The following AGBL4 variants were observed in gnomAD, a reference collection of about 807,000 sequenced individuals.
The protein encoded by AGBL4 is cytosolic carboxypeptidase 6.
Under a neutral mutation model 66.4 loss-of-function variants are expected in AGBL4, and 58 were observed. That is an observed-to-expected ratio of 0.87 (90% CI 0.71 to 1.09). The LOEUF (loss-of-function observed/expected upper bound fraction) is 1.09. Ranked by LOEUF, AGBL4 falls within the 50% of genes least tolerant of loss-of-function variation. AGBL4 has a pLI of 0.00. For synonymous variants in AGBL4, 234 were observed against 222.9 expected (o/e 1.05, Z -0.44); for missense variants, 579 against 631.0 (o/e 0.92, Z 0.88).
intron 3 of AGBL4, among the ~76,000 whole-genome samples, chr1:49,569,525 A>G (rs1644284470): frequency 6.6e-6 from 1 of 152,128 alleles, no homozygotes; most frequent in Middle Eastern, 3.2e-3. Flanking sequence ...TAAAAAATTA[A>G]TTTTAAAAAA....
At chr1:48,959,402 C>T (rs1657767635) in intron 5 of AGBL4, among the ~76,000 whole-genome samples, 1 of 152,100 alleles carries the variant, frequency 6.6e-6, no homozygotes, top group Non-Finnish European at 1.5e-5. Flanking sequence ...ATTTGAGAAC[C>T]TACTATGTGC....
At chr1:49,874,056 G>C (rs569276615) in intron 1 of AGBL4, among the ~76,000 whole-genome samples, 1 of 152,022 alleles carries the variant, frequency 6.6e-6, no homozygotes, top group East Asian at 1.9e-4. Context: ...AGAACAGAGA[G>C]TCCAGAAATA....
intron 6 of AGBL4, among the ~76,000 whole-genome samples, chr1:48,792,732 C>T (rs920261729): frequency 5.3e-5 from 8 of 152,102 alleles, no homozygotes; most frequent in African/African-American, 1.7e-4. Flanking sequence ...ACCACTCAGG[C>T]TAGAGAGCCT....
intron 3 of AGBL4, among the ~76,000 whole-genome samples, chr1:49,466,916 A>G (rs1257533521): frequency 6.6e-6 from 1 of 151,842 alleles, no homozygotes; most frequent in Non-Finnish European, 1.5e-5. Context: ...AGAGAAGGAA[A>G]TTTTACTCAG....
chr1:49,071,893 GTC>G (rs1644611573), intron 4 of AGBL4, among the ~76,000 whole-genome samples: 1 of 150,034 alleles, frequency 6.7e-6, no homozygotes, highest in Non-Finnish European at 1.5e-5. Context: ...GTCTTTGTAT[GTC>G]TCTAAGAATT....
intron 3 of AGBL4, among the ~76,000 whole-genome samples, chr1:49,250,361 G>A (rs1266187195): frequency 6.6e-6 from 1 of 151,940 alleles, no homozygotes; most frequent in African/African-American, 2.4e-5. Context: ...GCAAGGAACT[G>A]AGAGTGGATG....
rs145103689 is a variant in AGBL4, at chr1:49,217,559, A to G, written c.377+28211T>C. On this transcript the variant is annotated intron_variant, in intron 4 of 13. Transcript: ENST00000371839. ...CTTCTTATAGCACTGAGCACATTAT[A>G]TGATATTCACTTGTTTACATGTATC... Among the ~76,000 whole-genome samples, 61 of 152,254 alleles carry G rather than the reference A, an allele frequency of 4.0e-4. 1 individual carries two copies. The highest frequency in any genetic ancestry group is 1.4e-3 in the African/African-American group (58 of 41,554).
intron 3 of AGBL4, among the ~76,000 whole-genome samples, chr1:49,355,079 C>T (rs576410633): frequency 2.0e-5 from 3 of 152,216 alleles, no homozygotes; most frequent in Non-Finnish European, 2.9e-5. Context: ...CATGCAGACA[C>T]GGGGAGAAAA....
chr1:49,059,029 G>A (rs1296374719), intron 4 of AGBL4, among the ~76,000 whole-genome samples: 1 of 152,228 alleles, frequency 6.6e-6, no homozygotes, highest in Non-Finnish European at 1.5e-5. Context: ...ATTTTCTGGG[G>A]AGAAATTCAA....
rs147233240 is a variant in AGBL4 at position 49,057,452 on chromosome 1, A to G, written c.378-11652T>C. On this transcript the variant is annotated intron_variant, in intron 4 of 13. Transcript: ENST00000371839. ...GAAAAAGAAAAAAAAGCTTAATTGGATCATGTCACTTCCTAGATTAAAATT... is the reference window on the plus strand; with the variant it reads ...GAAAAAGAAAAAAAAGCTTAATTGGGTCATGTCACTTCCTAGATTAAAATT... Among the ~76,000 whole-genome samples, 238 of 152,246 alleles carry G rather than the reference A, an allele frequency of 1.6e-3. 4 individuals carry two copies. The highest frequency in any genetic ancestry group is 5.6e-3 in the African/African-American group (231 of 41,528).
chr1:49,122,810 G>C (rs925551793), intron 4 of AGBL4, among the ~76,000 whole-genome samples: 4 of 152,032 alleles, frequency 2.6e-5, no homozygotes, highest in Non-Finnish European at 5.9e-5. Context: ...GCAATGCCTG[G>C]CACCCTGGAA....
rs58650623 is a variant in AGBL4 at position 48,837,711 on chromosome 1, C to CTATATATATATATATATATA, written c.634+29460_634+29479dup. Among the ~76,000 whole-genome samples, 247 of 82,174 alleles carry CTATATATATATATATATATA rather than the reference C, an allele frequency of 3.0e-3. 4 individuals carry two copies. The highest frequency in any genetic ancestry group is 7.4e-3 in the Middle Eastern group (1 of 136). The allele number at this position is 82,174 out of a possible 152,430, so 53.9% of individuals were successfully genotyped here. ...ACGCACACACACGCACACACACACA[C>CTATATATATATATATATATA]TATATATATATATATATATATATAT... is the stretch of plus-strand genomic sequence containing the variant. On this transcript the variant is annotated intron_variant, in intron 6 of 13. Transcript: ENST00000371839.
At chr1:49,514,562 A>C (rs550134404) in intron 3 of AGBL4, among the ~76,000 whole-genome samples, 1 of 152,020 alleles carries the variant, frequency 6.6e-6, no homozygotes, top group Non-Finnish European at 1.5e-5. Context: ...GAACCAAAAA[A>C]GAGCCTGCAT....
chr1:48,839,244 T>C (rs1044026755), intron 6 of AGBL4, among the ~76,000 whole-genome samples: 1 of 152,132 alleles, frequency 6.6e-6, no homozygotes, highest in African/African-American at 2.4e-5. Flanking sequence ...ATTGCAGCAC[T>C]ATTCATAACA....
At chr1:49,514,882 T>C (rs1256637724) in intron 3 of AGBL4, among the ~76,000 whole-genome samples, 3 of 152,076 alleles carry the variant, frequency 2.0e-5, no homozygotes, top group Non-Finnish European at 2.9e-5. Context: ...ATACAAAAAT[T>C]AATTCAAGAT....
At chr1:49,353,132 C>T (rs1195571589) in intron 3 of AGBL4, among the ~76,000 whole-genome samples, 1 of 152,168 alleles carries the variant, frequency 6.6e-6, no homozygotes, top group African/African-American at 2.4e-5. Flanking sequence ...GTCAAAACCA[C>T]CTTTGACCTG....
rs572725797 is a variant in AGBL4, at chr1:49,107,369, G to A, written c.378-61569C>T. Among the ~76,000 whole-genome samples, 6 of 152,266 alleles carry A rather than the reference G, an allele frequency of 3.9e-5. No homozygotes were observed. The East Asian group carries it at 1.2e-3, about 29-fold the overall frequency. On this transcript the variant is annotated intron_variant, in intron 4 of 13. Transcript: ENST00000371839. Reference sequence around the variant, plus strand: ...TAGATATATTAAATGTATTTTCAATGTAATATTTTCAACTTACAATAGGTT... The same window carrying A: ...TAGATATATTAAATGTATTTTCAATATAATATTTTCAACTTACAATAGGTT...
chr1:48,900,948 A>C (rs1189064570), intron 5 of AGBL4, among the ~76,000 whole-genome samples: 1 of 152,214 alleles, frequency 6.6e-6, no homozygotes, highest in African/African-American at 2.4e-5. Flanking sequence ...GATTAGGAGA[A>C]AATATTTGCA....
At chr1:49,009,502 G>C (rs890038102) in intron 5 of AGBL4, among the ~76,000 whole-genome samples, 32 of 151,886 alleles carry the variant, frequency 2.1e-4, no homozygotes, top group Non-Finnish European at 4.0e-4. Context: ...AATAGAAAAA[G>C]AGGGAATCCT....
Sources: gnomAD v4.1 joint callset for allele counts (sites outside exome capture counted in the v4.1 genomes callset) on GRCh38, gnomAD v4.1.1 for gene constraint, MANE v1.5 for transcripts, NCBI Gene and HGNC (gene_info 2026-07-23, HGNC 2026-07-21) for gene names.